ZFAND1: variants seen among roughly 807,000 people sequenced by gnomAD.
ZFAND1 encodes the protein AN1-type zinc finger protein 1.
In ZFAND1, 40 loss-of-function variants were observed where a neutral mutation model predicts 38.5. That is an observed-to-expected ratio of 1.04 (90% CI 0.81 to 1.35). The LOEUF (loss-of-function observed/expected upper bound fraction) is 1.35, where lower values mean the gene tolerates loss of function less well. Ranked by LOEUF, ZFAND1 falls within the 40% of genes most tolerant of loss-of-function variation. The pLI is 0.00. For synonymous variants in ZFAND1, 117 were observed against 103.6 expected (o/e 1.13, Z -0.78); for missense variants, 346 against 316.3 (o/e 1.09, Z -0.71).
chr8:81,719,483 G>C (rs1413266811), intron 1 of ZFAND1, among the ~76,000 whole-genome samples: 2 of 151,956 alleles, frequency 1.3e-5, no homozygotes, highest in Non-Finnish European at 2.9e-5. Context: ...CTCCATCCTG[G>C]GTGACAGAGC....
rs574231277 is a variant in ZFAND1, at chr8:81,718,498, T to G, written c.56-274A>C. ...GTTTTCTTTTTCTTTTTTGTTTTGT[T>G]TCCCAGATTTACTAGGTGTTGTTTT... is the stretch of plus-strand genomic sequence containing the variant. On this transcript the variant is annotated intron_variant, in intron 1 of 7. Coordinates refer to ENST00000220669, the MANE Select transcript of ZFAND1 (RefSeq NM_024699.3). Among the ~76,000 whole-genome samples, 44 of 152,132 alleles carry G rather than the reference T, an allele frequency of 2.9e-4. 1 individual carries two copies. The highest frequency in any genetic ancestry group is 1.0e-3 in the African/African-American group (43 of 41,548).
chr8:81,702,728 T>C lies in ZFAND1; in HGVS notation c.774A>G (p.Gln258=), dbSNP rs759617687. The C allele has an allele frequency of 1.9e-6, 3 of 1,568,840 alleles. No individual in the cohort carries two copies. Among genetic ancestry groups the C allele is most frequent in the Non-Finnish European group, 2.6e-6 (3 of 1,161,574 alleles). Residue 258 remains glutamine (Q), a synonymous_variant, in exon 8 of 8, where the codon CAA becomes CAG. Transcript: ENST00000220669. Reference sequence around the variant, plus strand: ...AGTAAGATTCAACATTTTTACAGAATTGTTCTTCATCATTAAGATATTCCA... The same window carrying C: ...AGTAAGATTCAACATTTTTACAGAACTGTTCTTCATCATTAAGATATTCCA... ...IILEYLNDEE[Q]FCKNVESYLE
chr8:81,702,562 A>T lies in ZFAND1; in HGVS notation c.*133T>A. ...ACTCTAATAGAAAACTCATAATTTA[A>T]AATGTGACATAAGGGGAAATAAGTT... On this transcript the variant is annotated 3_prime_UTR_variant, in exon 8 of 8. Transcript: ENST00000220669. 4.1e-6 allele frequency: 3 copies of T among 739,114 alleles called. No individual in the cohort carries two copies. The highest frequency in any genetic ancestry group is 5.8e-6 in the Non-Finnish European group (3 of 516,140). The allele number at this position is 739,114 out of a possible 1,614,324, so 45.8% of individuals were successfully genotyped here.
At chr8:81,713,618 A>G (rs1808208893) in intron 6 of ZFAND1, among the ~76,000 whole-genome samples, 1 of 152,188 alleles carries the variant, frequency 6.6e-6, no homozygotes, top group African/African-American at 2.4e-5. Flanking sequence ...TATAATAGCA[A>G]AAAATTGAAA....
chr8:81,706,366 G>GAAAAAAAAAA (rs1563603916), intron 6 of ZFAND1, among the ~76,000 whole-genome samples: 1 of 6,844 alleles, frequency 1.5e-4, no homozygotes, highest in African/African-American at 5.0e-4. Flanking sequence ...TAAGGAAGGA[G>GAAAAAAAAAA]AAACAAAAAA....
intron 6 of ZFAND1, among the ~76,000 whole-genome samples, chr8:81,704,531 C>A (rs1807915229): frequency 8.3e-6 from 1 of 119,834 alleles, no homozygotes; most frequent in African/African-American, 3.1e-5. Context: ...ACAGTAAGAC[C>A]CTATTTCAAA....
Position 81,702,885 on chromosome 8 carries a change from T to A in ZFAND1, c.637-20A>T. Reference sequence around the variant, plus strand: ...TAATTTCTGTGAAGGGAGAAGTAAGTCATACTGTAATAAATAAACATGCTT... The same window carrying A: ...TAATTTCTGTGAAGGGAGAAGTAAGACATACTGTAATAAATAAACATGCTT... On this transcript the variant is annotated intron_variant, in intron 7 of 7. Transcript: ENST00000220669. 6.4e-7 allele frequency: 1 copy of A among 1,571,038 alleles called. No homozygotes were observed. Among genetic ancestry groups the A allele is most frequent in the Non-Finnish European group, 8.6e-7 (1 of 1,163,528 alleles).
intron 3 of ZFAND1, 24 bp downstream of exon 3, chr8:81,717,225 C>A: frequency 5.3e-6 from 8 of 1,515,072 alleles, no homozygotes; most frequent in Non-Finnish European, 7.0e-6. Flanking sequence ...TACATTTTAT[C>A]AGATTGGAAA....
chr8:81,718,234 A>G lies in ZFAND1; in HGVS notation c.56-10T>C, dbSNP rs759919151. On this transcript the variant is annotated splice_polypyrimidine_tract_variant and intron_variant, in intron 1 of 7. Transcript: ENST00000220669. ...ACAAATGGAAGAAAATCTAAAATTGAGAGAAAATGTATATACTGGTCAGTA... is the reference window on the plus strand; with the variant it reads ...ACAAATGGAAGAAAATCTAAAATTGGGAGAAAATGTATATACTGGTCAGTA... 2.5e-6 allele frequency: 4 copies of G among 1,568,972 alleles called. No homozygotes were observed. Among genetic ancestry groups the G allele is most frequent in the Non-Finnish European group, 3.5e-6 (4 of 1,156,252 alleles).
intron 6 of ZFAND1, 149 bp downstream of exon 6, chr8:81,713,769 T>G: frequency 1.4e-6 from 1 of 709,702 alleles, no homozygotes; most frequent in Non-Finnish European, 2.2e-6. Context: ...CAAAAAACTT[T>G]GTATTATTTA....
chr8:81,709,341 G>A (rs914799947), intron 6 of ZFAND1, among the ~76,000 whole-genome samples: 11 of 152,116 alleles, frequency 7.2e-5, no homozygotes, highest in Admixed American at 1.3e-4. Flanking sequence ...TCTCAGCCCA[G>A]TGGCATATAA....
At chr8:81,713,055 T>C (rs1038547758) in intron 6 of ZFAND1, among the ~76,000 whole-genome samples, 4 of 152,198 alleles carry the variant, frequency 2.6e-5, no homozygotes, top group African/African-American at 9.6e-5. Context: ...GTAGTCTCAA[T>C]CCATTAGGGA....
In ZFAND1 at chr8:81,715,095, C is replaced by G. The variant is rs774382874; in HGVS notation, c.158G>C (p.Arg53Thr). Residue 53 changes from arginine (R) to threonine (T), a missense_variant, in exon 4 of 8, where the codon AGA (arginine) becomes ACA (threonine). Physicochemically the swap from Arg to Thr is moderately conservative, Grantham distance 71. Transcript: ENST00000220669. ...GCPEVTVINE[R>T]LKTDQHTSYP... Reference sequence around the variant, plus strand: ...AGATGTATGTTGATCTGTCTTCAGTCTCTCATTGATTACAGTCACCTGAAA... The same window carrying G: ...AGATGTATGTTGATCTGTCTTCAGTGTCTCATTGATTACAGTCACCTGAAA... The G allele has an allele frequency of 1.2e-6, 2 of 1,613,904 alleles. No homozygotes were observed. Among genetic ancestry groups the G allele is most frequent in the South Asian group, 2.2e-5 (2 of 91,064 alleles).
At chr8:81,714,295 A>G (rs1808233684) in intron 5 of ZFAND1, 1 of 351,974 alleles carries the variant, frequency 2.8e-6, no homozygotes, top group African/African-American at 2.2e-5. Flanking sequence ...TTTAACCTAA[A>G]GCAGTCATTA....
At chr8:81,715,378 C>G (rs773158539) in intron 3 of ZFAND1, among the ~76,000 whole-genome samples, 2 of 152,040 alleles carry the variant, frequency 1.3e-5, no homozygotes, top group Non-Finnish European at 2.9e-5. Flanking sequence ...TAATTTTAAC[C>G]TGCTTTGTAA....
In ZFAND1 at chr8:81,721,257, G is replaced by A. The variant is rs1356820680; in HGVS notation, c.25C>T (p.His9Tyr). The change falls in exon 1 of 8, where the codon CAC becomes TAC. Residue 9 changes from histidine (H) to tyrosine (Y), a missense_variant. Physicochemically the swap from His to Tyr is moderately conservative, Grantham distance 83. Coordinates refer to ENST00000220669, the MANE Select transcript of ZFAND1 (RefSeq NM_024699.3). MAELDIGQ[H>Y]CQVEHCRQRD... ...TGCCGGCAATGCTCCACCTGGCAGT[G>A]CTGCCCGATGTCCAACTCCGCCATC... 2 of 1,549,280 alleles carry A rather than the reference G, an allele frequency of 1.3e-6. No homozygotes were observed. Among genetic ancestry groups the A allele is most frequent in the Non-Finnish European group, 1.7e-6 (2 of 1,147,210 alleles).
intron 2 of ZFAND1, 117 bp from the exon 3 acceptor site, chr8:81,717,405 A>G (rs1159584831): frequency 1.5e-6 from 1 of 647,210 alleles, no homozygotes; most frequent in Non-Finnish European, 2.4e-6. Flanking sequence ...CTACATTAAT[A>G]ACTTTGAATA....
rs1008997204 is a variant in ZFAND1 at position 81,701,409 on chromosome 8, T to G, written c.*1286A>C. On this transcript the variant is annotated 3_prime_UTR_variant, in exon 8 of 8. Coordinates refer to ENST00000220669, the MANE Select transcript of ZFAND1 (RefSeq NM_024699.3). ...AGACATAATGCTATTGCACATTAAA[T>G]AGACTATAGTATAGTGTAAACATAA... is the stretch of plus-strand genomic sequence containing the variant. The G allele has an allele frequency of 3.9e-5, 6 of 152,158 alleles. No individual in the cohort carries two copies. The highest frequency in any genetic ancestry group is 4.4e-5 in the Non-Finnish European group (3 of 68,030). The allele number at this position is 152,158 out of a possible 1,614,324, so 9.4% of individuals were successfully genotyped here.
At position 81,702,476 on chromosome 8, in the gene ZFAND1, T is replaced by C; in HGVS notation, c.*219A>G. ...TACAGCATAAACTAATGAAAGCTAA[T>C]TAAATATAAGAATTTGCTAATAATT... is the stretch of plus-strand genomic sequence containing the variant. On this transcript the variant is annotated 3_prime_UTR_variant, in exon 8 of 8. Transcript: ENST00000220669. 3.3e-6 allele frequency: 1 copy of C among 303,596 alleles called. No individual in the cohort carries two copies. Among genetic ancestry groups the C allele is most frequent in the Non-Finnish European group, 5.9e-6 (1 of 169,358 alleles). 18.8% of individuals were successfully genotyped at this position (303,596 alleles called of 1,614,324 possible). A position where few individuals can be genotyped will look rare whatever the true frequency, so the allele number is the denominator to read the frequency against.
Sources: allele counts gnomAD v4.1 joint callset (sites outside exome capture counted in the v4.1 genomes callset), GRCh38; gene constraint gnomAD v4.1.1; transcripts MANE v1.5; gene names NCBI Gene and HGNC (gene_info 2026-07-23, HGNC 2026-07-21).